DOK5: variants seen among roughly 807,000 people sequenced by gnomAD.
DOK5 encodes the protein docking protein 5, also known as downstream of tyrosine kinase 5.
Under a neutral mutation model 43.3 loss-of-function variants are expected in DOK5, and 27 were observed. The ratio of observed to expected loss-of-function variants is 0.62; its 90% confidence interval spans 0.46 to 0.86. The LOEUF (loss-of-function observed/expected upper bound fraction) is 0.86. Ranked by LOEUF, DOK5 falls within the 40% of genes least tolerant of loss-of-function variation. DOK5 has a pLI of 0.00. For synonymous variants in DOK5, 146 were observed against 140.1 expected, an observed-to-expected ratio of 1.04 and a Z score of -0.30; for missense variants, 373 against 392.9, an observed-to-expected ratio of 0.95 and a Z score of 0.43.
At chr20:54,537,615 TC>T (rs1318305663) in intron 1 of DOK5, among the ~76,000 whole-genome samples, 1 of 152,066 alleles carries the variant, frequency 6.6e-6, no homozygotes, top group African/African-American at 2.4e-5. Context: ...CCGATAGTAA[TC>T]ATCCAGTTGG....
At chr20:54,481,579 CTG>C (rs1981720589) in intron 1 of DOK5, among the ~76,000 whole-genome samples, 1 of 152,148 alleles carries the variant, frequency 6.6e-6, no homozygotes, top group Non-Finnish European at 1.5e-5. Flanking sequence ...TGCCTATGTA[CTG>C]CCAAGGACAT....
chr20:54,501,466 C>T (rs1441068969), intron 1 of DOK5, among the ~76,000 whole-genome samples: 1 of 19,460 alleles, frequency 5.1e-5, no homozygotes, highest in African/African-American at 2.1e-4. Context: ...GACTCACTCT[C>T]AAAAAAAAAA....
chr20:54,645,047 G>A lies in DOK5; in HGVS notation c.856+1469G>A, dbSNP rs1252798458. On this transcript the variant is annotated intron_variant, in intron 7 of 7. Transcript: ENST00000262593. ...TTTTGAGACAGAGTCTCGCTCTGTC[G>A]CCCAGGCTGGACTGCAGTGGCGCGA... is the stretch of plus-strand genomic sequence containing the variant. 4.4e-5 allele frequency among the ~76,000 whole-genome samples: 5 copies of A among 113,916 alleles called. No individual in the cohort carries two copies. The South Asian group carries it at 9.5e-4, about 22-fold the overall frequency. 74.7% of individuals were successfully genotyped at this position (113,916 alleles called of 152,430 possible).
At chr20:54,477,000 T>G (rs1981454198) in intron 1 of DOK5, among the ~76,000 whole-genome samples, 1 of 151,106 alleles carries the variant, frequency 6.6e-6, no homozygotes, top group African/African-American at 2.4e-5. Context: ...GCTGTTTTAG[T>G]TGATCCTGTG....
At chr20:54,642,617 A>G (rs1979179124) in intron 6 of DOK5, among the ~76,000 whole-genome samples, 1 of 151,704 alleles carries the variant, frequency 6.6e-6, no homozygotes, top group South Asian at 2.1e-4. Context: ...CCAGCTACTC[A>G]GGAGGCTGAG....
intron 1 of DOK5, among the ~76,000 whole-genome samples, chr20:54,528,405 TATC>T (rs1339862355): frequency 1.3e-5 from 2 of 152,066 alleles, no homozygotes; most frequent in Admixed American, 1.3e-4. Context: ...GGAAACCTGG[TATC>T]TTTCATGTGT....
At chr20:54,488,717 A>C (rs1982038536) in intron 1 of DOK5, among the ~76,000 whole-genome samples, 2 of 134,462 alleles carry the variant, frequency 1.5e-5, no homozygotes, top group Admixed American at 7.5e-5. Flanking sequence ...CCTTCCATAT[A>C]TTATTTGCTT....
At chr20:54,523,994 T>G (rs186422855) in intron 1 of DOK5, among the ~76,000 whole-genome samples, 38 of 152,334 alleles carry the variant, frequency 2.5e-4, no homozygotes, top group Non-Finnish European at 3.4e-4. Flanking sequence ...ATCTCCTTCA[T>G]AGCAGGCTTG....
At chr20:54,522,969 T>C (rs930442282) in intron 1 of DOK5, among the ~76,000 whole-genome samples, 1 of 152,210 alleles carries the variant, frequency 6.6e-6, no homozygotes, top group Non-Finnish European at 1.5e-5. Context: ...TTTCCATTTG[T>C]TGTAAGCCAA....
chr20:54,568,801 G>T (rs1208151537), intron 2 of DOK5, among the ~76,000 whole-genome samples: 1 of 151,724 alleles, frequency 6.6e-6, no homozygotes, highest in East Asian at 1.9e-4. Context: ...GTGGTGGCGG[G>T]CGCCTGTAGT....
At chr20:54,622,536 T>G (rs1360649657) in intron 6 of DOK5, among the ~76,000 whole-genome samples, 1 of 152,218 alleles carries the variant, frequency 6.6e-6, no homozygotes, top group East Asian at 1.9e-4. Context: ...GTGCCAGGGA[T>G]GTTGGTTGAC....
At chr20:54,492,037 T>C (rs1982198159) in intron 1 of DOK5, among the ~76,000 whole-genome samples, 1 of 151,922 alleles carries the variant, frequency 6.6e-6, no homozygotes, top group African/African-American at 2.4e-5. Flanking sequence ...AAGGATATCA[T>C]ATGTATATAT....
At chr20:54,525,190 C>T (rs1478085629) in intron 1 of DOK5, among the ~76,000 whole-genome samples, 1 of 152,166 alleles carries the variant, frequency 6.6e-6, no homozygotes, top group Admixed American at 6.5e-5. Flanking sequence ...TGAGCTCTAG[C>T]AGGAGAACGT....
chr20:54,638,146 C>T (rs1978929806), intron 6 of DOK5, among the ~76,000 whole-genome samples: 1 of 151,280 alleles, frequency 6.6e-6, no homozygotes, highest in Non-Finnish European at 1.5e-5. Flanking sequence ...AAGATAATCC[C>T]TACTTTTCAG....
intron 1 of DOK5, among the ~76,000 whole-genome samples, chr20:54,509,391 CT>C (rs144070171): frequency 0.042 from 6,399 of 152,048 alleles, 456 homozygotes; most frequent in African/African-American, 0.15. Context: ...AGGGGTCTTG[CT>C]TTTTTGGCCC....
At chr20:54,588,023 C>T (rs888813627) in intron 2 of DOK5, among the ~76,000 whole-genome samples, 3 of 152,076 alleles carry the variant, frequency 2.0e-5, no homozygotes, top group Non-Finnish European at 4.4e-5. Flanking sequence ...TCCTTCCCTT[C>T]CCTTCCTTGG....
At chr20:54,577,299 GCTTCT>G (rs1985484296) in intron 2 of DOK5, among the ~76,000 whole-genome samples, 1 of 152,198 alleles carries the variant, frequency 6.6e-6, no homozygotes, top group South Asian at 2.1e-4. Flanking sequence ...AAGTGAATAG[GCTTCT>G]TTCTTGAGAA....
At chr20:54,555,271 G>A (rs1173556811) in intron 2 of DOK5, 1 of 466,524 alleles carries the variant, frequency 2.1e-6, no homozygotes. Flanking sequence ...CTGTTTTCCA[G>A]TCTCTGCTAT....
intron 1 of DOK5, among the ~76,000 whole-genome samples, chr20:54,530,811 T>A (rs921611534): frequency 6.6e-6 from 1 of 152,166 alleles, no homozygotes; most frequent in Non-Finnish European, 1.5e-5. Context: ...AAGCTTCCTT[T>A]CACCCCTGCA....
Sources: gnomAD v4.1 joint callset for allele counts (sites outside exome capture counted in the v4.1 genomes callset) on GRCh38, gnomAD v4.1.1 for gene constraint, MANE v1.5 for transcripts, NCBI Gene and HGNC (gene_info 2026-07-23, HGNC 2026-07-21) for gene names.